ADGRL2: variants seen among roughly 807,000 people sequenced by gnomAD.
The protein encoded by ADGRL2 is calcium-independent alpha-latrotoxin receptor 2.
ADGRL2 carries 44 observed loss-of-function variants against 157.4 expected under a neutral mutation model. The ratio of observed to expected loss-of-function variants is 0.28; its 90% CI spans 0.22 to 0.36. The LOEUF is 0.36. Among genes scored for constraint, ADGRL2 ranks in the 10% least tolerant of loss-of-function variants. ADGRL2 has a pLI of 1.00. For missense variants in ADGRL2, 1,510 were observed against 1,768.9 expected (o/e 0.85, Z 2.63); for synonymous variants, 585 against 624.7 (o/e 0.94, Z 0.95).
rs565954707 is a variant in ADGRL2, at chr1:81,461,611, C to G, written c.-248+16522C>G. Among the ~76,000 whole-genome samples, 14 of 152,158 alleles carry G rather than the reference C, an allele frequency of 9.2e-5. No homozygotes were observed. In the South Asian group the frequency reaches 2.9e-3, roughly 32 times the overall value. On this transcript the variant is annotated intron_variant, in intron 2 of 24. Transcript: ENST00000370721. ...GTTTTATCTTTTCGAAACACTTTTC[C>G]CCCCTTAGGCATGTCATGCAAGCTC...
At chr1:81,421,321 G>T (rs959741138) in intron 1 of ADGRL2, among the ~76,000 whole-genome samples, 5 of 152,154 alleles carry the variant, frequency 3.3e-5, no homozygotes, top group African/African-American at 9.7e-5. Context: ...CATAACTAGA[G>T]ATAAAGCTCA....
chr1:81,551,712 T>C (rs2080150625), intron 2 of ADGRL2, among the ~76,000 whole-genome samples: 1 of 152,214 alleles, frequency 6.6e-6, no homozygotes, highest in African/African-American at 2.4e-5. Flanking sequence ...TAGGTGTGAA[T>C]GAACAGCCTC....
chr1:81,384,289 T>C (rs1251561269), intron 1 of ADGRL2, among the ~76,000 whole-genome samples: 1 of 152,164 alleles, frequency 6.6e-6, no homozygotes, highest in African/African-American at 2.4e-5. Flanking sequence ...TGTTTTTAGG[T>C]AATTAAAAAG....
At chr1:81,838,380 A>T (rs1407300702) in intron 2 of ADGRL2, among the ~76,000 whole-genome samples, 1 of 152,122 alleles carries the variant, frequency 6.6e-6, no homozygotes, top group Non-Finnish European at 1.5e-5. Flanking sequence ...GGCAGTTACA[A>T]TCTTTGGGTT....
chr1:81,550,452 C>T (rs565474295), intron 2 of ADGRL2, among the ~76,000 whole-genome samples: 4 of 152,168 alleles, frequency 2.6e-5, no homozygotes, highest in East Asian at 1.9e-4. Context: ...AGAGTGCTTT[C>T]GGGGACTTAT....
chr1:81,643,981 C>T lies in ADGRL2; in HGVS notation c.-143+63001C>T, dbSNP rs556678286. ...TGATTCTACCCAACCTCAAGACATACCATAAATTTACATTAATCAAGACAC... is the reference window on the plus strand; with the variant it reads ...TGATTCTACCCAACCTCAAGACATATCATAAATTTACATTAATCAAGACAC... On this transcript the variant is annotated intron_variant, in intron 3 of 24. Coordinates refer to the ADGRL2 transcript ENST00000370721. 1.3e-4 allele frequency among the ~76,000 whole-genome samples: 20 copies of T among 152,228 alleles called. No individual in the cohort carries two copies. In the South Asian group the frequency reaches 3.9e-3, roughly 30 times the overall value.
chr1:81,991,846 A>T lies in ADGRL2; in HGVS notation c.*701A>T, dbSNP rs1047502969. 6.6e-5 allele frequency: 10 copies of T among 152,664 alleles called. No homozygotes were observed. Among genetic ancestry groups the T allele is most frequent in the African/African-American group, 2.4e-4 (10 of 41,464 alleles). 9.5% of individuals were successfully genotyped at this position (152,664 alleles called of 1,614,324 possible). A position where few individuals can be genotyped will look rare whatever the true frequency, so the allele number is the denominator to read the frequency against. On this transcript the variant is annotated 3_prime_UTR_variant, in exon 24 of 24. Coordinates refer to ENST00000686636, the MANE Select transcript of ADGRL2 (RefSeq NM_001366006.2). The stretch of plus-strand genomic sequence containing the variant: ...AATTGTCATTAAAATAATTTTAAAG[A>T]GTGAAGAAAATATTGTGAAAAGCTC...
At chr1:81,792,719 A>G (rs1400834412) in intron 2 of ADGRL2, among the ~76,000 whole-genome samples, 8 of 152,106 alleles carry the variant, frequency 5.3e-5, no homozygotes, top group Non-Finnish European at 1.0e-4. Flanking sequence ...TGATATTTAT[A>G]TCAACATTTC....
chr1:81,323,411 ATTT>A (rs138358062), intron 1 of ADGRL2, among the ~76,000 whole-genome samples: 22,410 of 109,788 alleles, frequency 0.2, 1,131 homozygotes, highest in Admixed American at 0.27. Context: ...GACTAATTCA[ATTT>A]TTTTTTTTTT....
rs1049077602 is a variant in ADGRL2, at chr1:81,652,653, T to A, written c.-143+71673T>A. On this transcript the variant is annotated intron_variant, in intron 3 of 24. Coordinates refer to the ADGRL2 transcript ENST00000370721. Reference sequence around the variant, plus strand: ...CATAGTAACAACTTTCTTTTCTTTTTAAAAATGTCAACTTTTTATTGTTAA... The same window carrying A: ...CATAGTAACAACTTTCTTTTCTTTTAAAAAATGTCAACTTTTTATTGTTAA... 2.0e-5 allele frequency among the ~76,000 whole-genome samples: 3 copies of A among 152,144 alleles called. No individual in the cohort carries two copies. The East Asian group carries it at 5.8e-4, about 29-fold the overall frequency.
intron 3 of ADGRL2, among the ~76,000 whole-genome samples, chr1:81,935,552 G>A (rs560205363): frequency 1.5e-4 from 23 of 151,880 alleles, no homozygotes; most frequent in African/African-American, 5.5e-4. Flanking sequence ...TTTAGTTAGT[G>A]GTGCTAGAAA....
intron 1 of ADGRL2, among the ~76,000 whole-genome samples, chr1:81,733,863 C>G (rs904980904): frequency 6.6e-6 from 1 of 151,992 alleles, no homozygotes. Flanking sequence ...GGGGGAGGAT[C>G]AGGAAAAATA....
chr1:81,900,298 A>G (rs143293390), intron 2 of ADGRL2, among the ~76,000 whole-genome samples: 2 of 152,320 alleles, frequency 1.3e-5, no homozygotes, highest in Non-Finnish European at 2.9e-5. Flanking sequence ...AACATTATTT[A>G]TGAAAATCTA....
intron 1 of ADGRL2, among the ~76,000 whole-genome samples, chr1:81,716,402 G>A (rs566465489): frequency 6.6e-6 from 1 of 152,128 alleles, no homozygotes; most frequent in Non-Finnish European, 1.5e-5. Context: ...TATACCCAAA[G>A]CATCTAGTAC....
At chr1:81,460,516 G>A (rs1456005370) in intron 2 of ADGRL2, among the ~76,000 whole-genome samples, 3 of 152,044 alleles carry the variant, frequency 2.0e-5, no homozygotes, top group Non-Finnish European at 4.4e-5. Context: ...CCTAAAACCT[G>A]TCTTTGACAG....
intron 2 of ADGRL2, among the ~76,000 whole-genome samples, chr1:81,510,649 T>C (rs1445007617): frequency 6.6e-6 from 1 of 152,210 alleles, no homozygotes; most frequent in Non-Finnish European, 1.5e-5. Context: ...TAGATTATAG[T>C]TACAGTGAAA....
At chr1:81,421,648 C>T (rs891783831) in intron 1 of ADGRL2, among the ~76,000 whole-genome samples, 2 of 152,022 alleles carry the variant, frequency 1.3e-5, no homozygotes, top group Non-Finnish European at 2.9e-5. Flanking sequence ...TTAGATGCCA[C>T]TATCATGGCA....
At chr1:81,789,308 T>C (rs951282485) in intron 2 of ADGRL2, among the ~76,000 whole-genome samples, 1 of 152,200 alleles carries the variant, frequency 6.6e-6, no homozygotes, top group Non-Finnish European at 1.5e-5. Flanking sequence ...TGATAATCAA[T>C]GTTTGTTTTG....
At chr1:81,716,823 TA>T (rs1477778016) in intron 1 of ADGRL2, among the ~76,000 whole-genome samples, 1 of 152,186 alleles carries the variant, frequency 6.6e-6, no homozygotes, top group Non-Finnish European at 1.5e-5. Flanking sequence ...TAAGGAAGAT[TA>T]AAGTAATATT....
Sources: gnomAD v4.1 joint callset for allele counts (sites outside exome capture counted in the v4.1 genomes callset) on GRCh38, gnomAD v4.1.1 for gene constraint, MANE v1.5 for transcripts, NCBI Gene and HGNC (gene_info 2026-07-23, HGNC 2026-07-21) for gene names.